KIF26B: variants seen among roughly 807,000 people sequenced by gnomAD.
The protein encoded by KIF26B is kinesin family member 26B.
Under a neutral mutation model 151.2 loss-of-function variants are expected in KIF26B, and 63 were observed. The ratio of observed to expected loss-of-function variants is 0.42; its 90% confidence interval spans 0.34 to 0.51. The LOEUF (loss-of-function observed/expected upper bound fraction) is 0.51. Among genes scored for constraint, KIF26B ranks in the 20% least tolerant of loss-of-function variants. The pLI is 0.07. For synonymous variants in KIF26B, 1,357 were observed against 1,262.1 expected, an observed-to-expected ratio of 1.08 and a Z score of -1.59; for missense variants, 2,813 against 2,913.6, an observed-to-expected ratio of 0.97 and a Z score of 0.79.
chr1:245,270,156 C>G (rs1409553576), intron 2 of KIF26B, among the ~76,000 whole-genome samples: 1 of 150,098 alleles, frequency 6.7e-6, no homozygotes, highest in Non-Finnish European at 1.5e-5. Flanking sequence ...TTCCTTCTTC[C>G]TTTCTCTTCC....
chr1:245,626,587 G>T (rs2043726997), intron 9 of KIF26B, among the ~76,000 whole-genome samples: 1 of 152,044 alleles, frequency 6.6e-6, no homozygotes, highest in Admixed American at 6.6e-5. Context: ...TTTTTAATGG[G>T]TTTGTTTGGG....
rs1384475134 is a variant in KIF26B at position 245,368,771 on chromosome 1, ACAGGAGGATTTG to A, written c.999+1405_999+1416del. On this transcript the variant is annotated intron_variant, in intron 3 of 14. Coordinates refer to ENST00000407071, the MANE Select transcript of KIF26B (RefSeq NM_018012.4). Reference sequence around the variant, plus strand: ...GAAGATAGAGTGTGTGGAGGATCTCACAGGAGGATTTGGGGCCCAGCTTTGCATGGAAGTGAT... The same window carrying A: ...GAAGATAGAGTGTGTGGAGGATCTCAGGGCCCAGCTTTGCATGGAAGTGAT... Among the ~76,000 whole-genome samples, 21 of 152,268 alleles carry A rather than the reference ACAGGAGGATTTG, an allele frequency of 1.4e-4. 1 individual carries two copies. The highest frequency in any genetic ancestry group is 4.8e-4 in the African/African-American group (20 of 41,556).
intron 4 of KIF26B, among the ~76,000 whole-genome samples, chr1:245,500,700 G>T (rs981524314): frequency 5.3e-5 from 8 of 152,338 alleles, no homozygotes; most frequent in African/African-American, 1.4e-4. Flanking sequence ...GGCGAGGGCT[G>T]GGCCCCGGCC....
chr1:245,487,113 A>G (rs772463664), intron 4 of KIF26B, among the ~76,000 whole-genome samples: 5 of 151,814 alleles, frequency 3.3e-5, no homozygotes. Context: ...GGGGGTGGTT[A>G]GAGTCCCTTG....
At position 245,560,042 on chromosome 1, in the gene KIF26B, A is replaced by G. The variant is rs148619570; in HGVS notation, c.1350+19092A>G. On this transcript the variant is annotated intron_variant, in intron 5 of 14. Transcript: ENST00000407071. This position sits in a 1 kb window ranked among gnomAD's most constrained non-coding sequence, Gnocchi z 4.3. ...TCTCATTCGTTTTTTTGGCGTGGAA[A>G]CACGCTGCTCAGTCCTCAGGCCCAG... 6.6e-6 allele frequency among the ~76,000 whole-genome samples: 1 copy of G among 152,012 alleles called. No individual in the cohort carries two copies. The highest frequency in any genetic ancestry group is 1.9e-4 in the East Asian group (1 of 5,168).
Position 245,488,028 on chromosome 1 carries a change from TCCACCCA to T in KIF26B, c.1167-52736_1167-52730del, listed in dbSNP as rs1234881693. ...GTCTCGAACTTCTGACCTCAGGTGATCCACCCACCTCAGCCTGCCAAAGTGCTGGGAT... is the reference window on the plus strand; with the variant it reads ...GTCTCGAACTTCTGACCTCAGGTGATCCTCAGCCTGCCAAAGTGCTGGGAT... On this transcript the variant is annotated intron_variant, in intron 4 of 14. Transcript: ENST00000407071. This position sits in a 1 kb window ranked among gnomAD's most constrained non-coding sequence, Gnocchi z 4.6. Among the ~76,000 whole-genome samples the T allele has an allele frequency of 6.6e-6, 1 of 152,098 alleles. No individual in the cohort carries two copies. The highest frequency in any genetic ancestry group is 1.5e-5 in the Non-Finnish European group (1 of 68,018).
In KIF26B at chr1:245,511,298, A is replaced by G. The variant is rs778715556; in HGVS notation, c.1167-29469A>G. On this transcript the variant is annotated intron_variant, in intron 4 of 14. Coordinates refer to ENST00000407071, the MANE Select transcript of KIF26B (RefSeq NM_018012.4). ...GTTGTGCAAGCTTTCTTCTTGTTCA[A>G]TGGACTTGCAGAATACCTAGTTCTA... 2.0e-5 allele frequency among the ~76,000 whole-genome samples: 3 copies of G among 152,162 alleles called. No homozygotes were observed. The East Asian group carries it at 5.8e-4, about 29-fold the overall frequency.
Position 245,702,323 on chromosome 1 carries a change from A to C in KIF26B, c.6179-135A>C. On this transcript the variant is annotated intron_variant, in intron 14 of 14. Coordinates refer to ENST00000407071, the MANE Select transcript of KIF26B (RefSeq NM_018012.4). The surrounding 1 kb of genome is among the most constrained non-coding windows in gnomAD (Gnocchi z 4.1). ...AGAATCAGGCAGGAGGGAACTCTGC[A>C]GTGGCCTAAGGCAAGCGAACTAGAC... The C allele has an allele frequency of 1.2e-6, 1 of 812,700 alleles. No homozygotes were observed. Among genetic ancestry groups the C allele is most frequent in the Non-Finnish European group, 2.0e-6 (1 of 508,764 alleles). 50.3% of individuals were successfully genotyped at this position (812,700 alleles called of 1,614,324 possible). A position where few individuals can be genotyped will look rare whatever the true frequency, so the allele number is the denominator to read the frequency against.
chr1:245,399,373 G>T (rs1020775096), intron 3 of KIF26B, among the ~76,000 whole-genome samples: 1 of 152,098 alleles, frequency 6.6e-6, no homozygotes, highest in African/African-American at 2.4e-5. Context: ...GAAGGGATGG[G>T]GGTGAGAAAT....
chr1:245,646,796 C>G (rs536735089), intron 10 of KIF26B, among the ~76,000 whole-genome samples: 12 of 152,180 alleles, frequency 7.9e-5, no homozygotes, highest in Admixed American at 6.5e-4. Context: ...AACCCAATCT[C>G]GGGAGTTCAG....
At chr1:245,521,917 T>C (rs1661121667) in intron 4 of KIF26B, among the ~76,000 whole-genome samples, 1 of 106,854 alleles carries the variant, frequency 9.4e-6, no homozygotes, top group Non-Finnish European at 2.4e-5. Context: ...CCAGGCTGGA[T>C]GGAGTGCAGT....
At chr1:245,303,297 C>G (rs977121436) in intron 2 of KIF26B, among the ~76,000 whole-genome samples, 2 of 145,754 alleles carry the variant, frequency 1.4e-5, no homozygotes, top group East Asian at 2.1e-4. Context: ...CTCCCGGGTT[C>G]ACGCCATTCT....
intron 14 of KIF26B, among the ~76,000 whole-genome samples, chr1:245,701,003 A>C (rs1446365693): frequency 6.6e-6 from 1 of 152,224 alleles, no homozygotes; most frequent in African/African-American, 2.4e-5. Flanking sequence ...TGCCCAAGGC[A>C]GACTTGACTT....
At chr1:245,608,993 A>G (rs1283299158) in intron 7 of KIF26B, among the ~76,000 whole-genome samples, 1 of 152,006 alleles carries the variant, frequency 6.6e-6, no homozygotes, top group East Asian at 1.9e-4. Context: ...GCCTCAAGCA[A>G]TCCTCCCATC....
At chr1:245,185,899 G>A (rs559061794) in intron 2 of KIF26B, among the ~76,000 whole-genome samples, 6 of 151,854 alleles carry the variant, frequency 4.0e-5, no homozygotes, top group Admixed American at 3.3e-4. Context: ...TTTTGAGACA[G>A]AGTCTCACTC....
intron 2 of KIF26B, among the ~76,000 whole-genome samples, chr1:245,356,983 G>T (rs764250064): frequency 1.3e-5 from 2 of 152,204 alleles, no homozygotes; most frequent in Non-Finnish European, 2.9e-5. Context: ...CTGGGCAGGA[G>T]GAACAGCAAG....
chr1:245,500,217 A>C (rs10924216), intron 4 of KIF26B, among the ~76,000 whole-genome samples: 48,419 of 152,142 alleles, frequency 0.32, 8,975 homozygotes, highest in Middle Eastern at 0.46. Flanking sequence ...CCATTTCATC[A>C]GGGCACTGAC....
At chr1:245,699,348 T>TATTA (rs1394929400) in intron 14 of KIF26B, among the ~76,000 whole-genome samples, 2 of 152,146 alleles carry the variant, frequency 1.3e-5, no homozygotes, top group Non-Finnish European at 2.9e-5. Flanking sequence ...ATGAAGGCTG[T>TATTA]ATTACAAATC....
intron 5 of KIF26B, among the ~76,000 whole-genome samples, chr1:245,568,771 C>T (rs944879627): frequency 6.6e-6 from 1 of 152,090 alleles, no homozygotes; most frequent in African/African-American, 2.4e-5. Flanking sequence ...AGTGTCACAG[C>T]AAGGGTCAAG....
Sources: gnomAD v4.1 joint callset for allele counts (sites outside exome capture counted in the v4.1 genomes callset) on GRCh38, gnomAD v4.1.1 for gene constraint, Gnocchi (gnomAD v3.1) non-coding constraint, MANE v1.5 for transcripts, NCBI Gene and HGNC (gene_info 2026-07-23, HGNC 2026-07-21) for gene names.